USP47: variants seen among roughly 807,000 people sequenced by gnomAD.
USP47 encodes ubiquitin carboxyl-terminal hydrolase 47.
In USP47, 35 loss-of-function variants were observed where a neutral mutation model predicts 165.1. That is an observed-to-expected ratio of 0.21 (90% CI 0.16 to 0.28). The LOEUF (loss-of-function observed/expected upper bound fraction) is 0.28. USP47 is among the 10% of genes least tolerant of loss of function. The probability of loss-of-function intolerance (pLI) is 1.00; values close to 1 mark genes in which losing one functional copy is unlikely to be tolerated. For synonymous variants in USP47, 531 were observed against 544.5 expected, an observed-to-expected ratio of 0.98 and a Z score of 0.35; for missense variants, 1,277 against 1,607.4, an observed-to-expected ratio of 0.79 and a Z score of 3.52.
At chr11:11,881,132 T>C (rs1182117391) in intron 2 of USP47, among the ~76,000 whole-genome samples, 2 of 152,186 alleles carry the variant, frequency 1.3e-5, no homozygotes, top group Non-Finnish European at 2.9e-5. Flanking sequence ...TATTTGAGAA[T>C]CTCTGTTCAC....
chr11:11,920,298 C>G, intron 9 of USP47, 44 bp from the exon 10 acceptor site: 1 of 1,605,756 alleles, frequency 6.2e-7, no homozygotes. Context: ...AGATAATATT[C>G]CATATTCAAT....
chr11:11,851,783 T>G (rs1228111574), intron 1 of USP47, among the ~76,000 whole-genome samples: 2 of 152,202 alleles, frequency 1.3e-5, no homozygotes, highest in Non-Finnish European at 2.9e-5. Context: ...TTGACACTTT[T>G]GAAGAGTACT....
rs1378063176 is a variant in USP47 at position 11,943,043 on chromosome 11, G to A, written c.3022G>A (p.Glu1008Lys). The A allele has an allele frequency of 6.2e-7, 1 of 1,613,364 alleles. No individual in the cohort carries two copies. Among genetic ancestry groups the A allele is most frequent in the Non-Finnish European group, 8.5e-7 (1 of 1,179,592 alleles). ...TGATGAGAGTGGCAAGAGTAGGGGA[G>A]AAATGCAGTACATGTATTTCAAAGC... ...EYDESGKSRG[E>K]MQYMYFKAEP... The change falls in exon 20 of 28, where the codon GAA (glutamate) becomes AAA (lysine). Residue 1008 changes from glutamate (E) to lysine (K), a missense_variant. By Grantham distance (56) the Glu-to-Lys change is moderately conservative. Coordinates refer to ENST00000527733, the MANE Select transcript of USP47 (RefSeq NM_001282659.2).
intron 4 of USP47, among the ~76,000 whole-genome samples, chr11:11,895,933 G>A (rs1298094545): frequency 6.6e-6 from 1 of 152,074 alleles, no homozygotes; most frequent in East Asian, 1.9e-4. Flanking sequence ...TAAAAATATT[G>A]ATTCATAACT....
Position 11,955,120 on chromosome 11 carries a change from C to G in USP47, c.3849C>G (p.Val1283=). ...ATCCTAAAGTTTCTACCCTGAATGT[C>G]TGGCCTCTTTATATCTGTGATGATG... ...DWNPKVSTLN[V]WPLYICDDGA... is the part of the protein sequence containing the mutation. The change falls in exon 27 of 28, where the codon GTC becomes GTG. Residue 1283 remains valine (V), a synonymous_variant. Transcript: ENST00000527733. 1.9e-6 allele frequency: 3 copies of G among 1,613,854 alleles called. No individual in the cohort carries two copies. Among genetic ancestry groups the G allele is most frequent in the Non-Finnish European group, 2.5e-6 (3 of 1,179,916 alleles).
At chr11:11,894,649 C>T (rs925727005) in intron 4 of USP47, among the ~76,000 whole-genome samples, 1 of 152,142 alleles carries the variant, frequency 6.6e-6, no homozygotes, top group Non-Finnish European at 1.5e-5. Context: ...TTTGCTTTGT[C>T]TTCTGACAAT....
chr11:11,864,226 T>C (rs1277886127), intron 1 of USP47, among the ~76,000 whole-genome samples: 1 of 152,132 alleles, frequency 6.6e-6, no homozygotes, highest in Non-Finnish European at 1.5e-5. Context: ...CTTATATTTA[T>C]TTATACATAT....
intron 8 of USP47, among the ~76,000 whole-genome samples, chr11:11,914,204 T>C (rs1853238772): frequency 6.6e-6 from 1 of 152,044 alleles, no homozygotes; most frequent in African/African-American, 2.4e-5. Flanking sequence ...GGTAGAGGGG[T>C]AGGCAAATAG....
chr11:11,883,311 T>C (rs1200970764), intron 2 of USP47, among the ~76,000 whole-genome samples: 1 of 152,222 alleles, frequency 6.6e-6, no homozygotes, highest in African/African-American at 2.4e-5. Flanking sequence ...TTGCACTTAC[T>C]GTGTTTATAG....
chr11:11,902,745 A>G lies in USP47; in HGVS notation c.624A>G (p.Pro208=). The G allele has an allele frequency of 1.3e-6, 2 of 1,581,176 alleles. No homozygotes were observed. The highest frequency in any genetic ancestry group is 1.2e-5 in the South Asian group (1 of 82,140). ...KWEFEESEED[P]VTSIPYQLQR... ...AATTTGAAGAATCTGAAGAAGATCC[A>G]GTGACAAGTATTCCATACCAACTTC... Residue 208 remains proline, a synonymous_variant, in exon 6 of 28, where the codon CCA becomes CCG. Transcript: ENST00000527733.
intron 1 of USP47, among the ~76,000 whole-genome samples, chr11:11,869,357 G>A (rs545169754): frequency 1.1e-4 from 16 of 151,776 alleles, no homozygotes; most frequent in Admixed American, 3.3e-4. Flanking sequence ...AAATATTACA[G>A]CATCATTTTT....
At chr11:11,878,395 C>T (rs897619354) in intron 1 of USP47, among the ~76,000 whole-genome samples, 1 of 152,138 alleles carries the variant, frequency 6.6e-6, no homozygotes, top group Non-Finnish European at 1.5e-5. Context: ...ACTATTGAAT[C>T]TATAAAAGTG....
At chr11:11,869,933 T>C (rs900627053) in intron 1 of USP47, among the ~76,000 whole-genome samples, 10 of 152,184 alleles carry the variant, frequency 6.6e-5, no homozygotes, top group Non-Finnish European at 1.5e-4. Context: ...CATCTTGATA[T>C]TGGATTTCCT....
intron 8 of USP47, among the ~76,000 whole-genome samples, chr11:11,907,806 T>C (rs1462297396): frequency 6.6e-6 from 1 of 152,094 alleles, no homozygotes; most frequent in Non-Finnish European, 1.5e-5. Context: ...ATATTAGATA[T>C]AGACGTAGGC....
intron 8 of USP47, among the ~76,000 whole-genome samples, 180 bp downstream of exon 8, chr11:11,905,728 G>A (rs1852513280): frequency 6.6e-6 from 1 of 151,982 alleles, no homozygotes. Flanking sequence ...TCCTAATAGT[G>A]CATGTATTAT....
chr11:11,879,061 ACTGT>A (rs1402574094), intron 1 of USP47, among the ~76,000 whole-genome samples: 10 of 152,170 alleles, frequency 6.6e-5, no homozygotes, highest in Non-Finnish European at 1.5e-4. Flanking sequence ...GCCACACCTG[ACTGT>A]CAGGGAAAGC....
chr11:11,849,740 T>C (rs905489820), intron 1 of USP47, among the ~76,000 whole-genome samples: 1 of 152,226 alleles, frequency 6.6e-6, no homozygotes, highest in African/African-American at 2.4e-5. Flanking sequence ...GAGCCCCTGT[T>C]TCTGTATCTG....
chr11:11,947,691 T>C (rs778122956), intron 20 of USP47, among the ~76,000 whole-genome samples: 1 of 152,184 alleles, frequency 6.6e-6, no homozygotes, highest in Non-Finnish European at 1.5e-5. Context: ...AAGCTTGTTT[T>C]TGAGTTTGGC....
intron 8 of USP47, among the ~76,000 whole-genome samples, chr11:11,906,285 C>T (rs928964657): frequency 1.3e-5 from 2 of 152,024 alleles, no homozygotes; most frequent in Non-Finnish European, 2.9e-5. Context: ...TTGAACCTAC[C>T]ATGTGCCAGG....
Sources: gnomAD v4.1 joint callset for allele counts (sites outside exome capture counted in the v4.1 genomes callset) on GRCh38, gnomAD v4.1.1 for gene constraint, MANE v1.5 for transcripts, NCBI Gene and HGNC (gene_info 2026-07-23, HGNC 2026-07-21) for gene names.